TCF7L2: variants seen among roughly 807,000 people sequenced by gnomAD.
TCF7L2 encodes the protein transcription factor 7 like 2, also known as transcription factor 7-like 2.
In TCF7L2, 23 loss-of-function variants were observed where a neutral mutation model predicts 77.9. That is an observed-to-expected ratio of 0.30 (90% CI 0.21 to 0.42). The LOEUF (loss-of-function observed/expected upper bound fraction) is 0.42. TCF7L2 is among the 10% of genes least tolerant of loss of function. The pLI, the probability that TCF7L2 is intolerant of heterozygous loss-of-function variation, is 1.00. For missense variants in TCF7L2, 654 were observed against 793.1 expected, an observed-to-expected ratio of 0.82 and a Z score of 2.11; for synonymous variants, 413 against 340.2, an observed-to-expected ratio of 1.21 and a Z score of -2.36.
chr10:113,078,586 T>C (rs2058977929), intron 5 of TCF7L2, among the ~76,000 whole-genome samples: 1 of 152,108 alleles, frequency 6.6e-6, no homozygotes, highest in East Asian at 1.9e-4. Context: ...CACTATAGGC[T>C]GGTCTTGAAT....
chr10:113,052,050 G>C (rs560704378), intron 5 of TCF7L2, among the ~76,000 whole-genome samples: 7 of 152,302 alleles, frequency 4.6e-5, no homozygotes, highest in African/African-American at 1.4e-4. Context: ...TTGGTGGCAA[G>C]CTGAGCATAC....
At chr10:113,034,940 C>T (rs550150282) in intron 4 of TCF7L2, among the ~76,000 whole-genome samples, 123 of 152,066 alleles carry the variant, frequency 8.1e-4, no homozygotes, top group Non-Finnish European at 1.3e-3. Context: ...TTTTTTCTTT[C>T]CTTTTCCTTC....
intron 4 of TCF7L2, among the ~76,000 whole-genome samples, chr10:113,035,743 A>G (rs1269294434): frequency 2.0e-5 from 3 of 152,186 alleles, no homozygotes; most frequent in Non-Finnish European, 2.9e-5. Flanking sequence ...GAGGAATAAT[A>G]TTTTCTGACA....
At chr10:113,132,980 C>T (rs1200944143) in intron 5 of TCF7L2, 1 of 152,190 alleles carries the variant, frequency 6.6e-6, no homozygotes, top group African/African-American at 2.4e-5. Flanking sequence ...ACCCTGGAAA[C>T]TCGCTGATCA....
intron 4 of TCF7L2, among the ~76,000 whole-genome samples, chr10:112,966,916 A>G (rs2037061450): frequency 6.6e-6 from 1 of 152,228 alleles, no homozygotes; most frequent in African/African-American, 2.4e-5. Context: ...GGGCAAACAG[A>G]GAGACATTTT....
At chr10:112,984,082 A>T (rs1309420518) in intron 4 of TCF7L2, among the ~76,000 whole-genome samples, 4 of 152,232 alleles carry the variant, frequency 2.6e-5, no homozygotes, top group African/African-American at 9.6e-5. Flanking sequence ...GAATTAAAAC[A>T]CAGTGCTTTG....
At chr10:113,050,866 A>G (rs1736782263) in intron 5 of TCF7L2, among the ~76,000 whole-genome samples, 1 of 152,144 alleles carries the variant, frequency 6.6e-6, no homozygotes. Context: ...GTTGGCCATT[A>G]TTATGCTTTT....
intron 4 of TCF7L2, among the ~76,000 whole-genome samples, chr10:113,012,899 G>A (rs150663433): frequency 5.3e-5 from 8 of 152,128 alleles, no homozygotes; most frequent in South Asian, 4.1e-4. Context: ...TGACTGAGGC[G>A]CCCCACACAT....
In TCF7L2 at chr10:113,147,352, A is replaced by G. The variant is rs183878040; in HGVS notation, c.875+1255A>G. On this transcript the variant is annotated intron_variant, in intron 8 of 13. Coordinates refer to ENST00000627217, the MANE Select transcript of TCF7L2 (RefSeq NM_001146274.2). ...CTGCTTTTCCTACTTACAAAACAGT[A>G]ACTTTAGCAGTGATAGAGAGTTACA... Among the ~76,000 whole-genome samples the G allele has an allele frequency of 2.4e-4, 36 of 152,366 alleles. 1 individual carries two copies. Among genetic ancestry groups the G allele is most frequent in the Admixed American group, 4.6e-4 (7 of 15,312 alleles).
rs1316471033 is a variant in TCF7L2 at position 113,102,515 on chromosome 10, C to A, written c.553-38669C>A. ...TCTCTGCTCACTGCAACCTCCACCT[C>A]CTGGGTTCAAGTGATTCTCCTGCCT... On this transcript the variant is annotated intron_variant, in intron 5 of 13. Coordinates refer to ENST00000627217, the MANE Select transcript of TCF7L2 (RefSeq NM_001146274.2). Among the ~76,000 whole-genome samples the A allele has an allele frequency of 2.0e-5, 3 of 151,426 alleles. 1 individual carries two copies. Among genetic ancestry groups the A allele is most frequent in the Admixed American group, 1.3e-4 (2 of 15,212 alleles).
chr10:113,089,777 C>G (rs911683124), intron 5 of TCF7L2, among the ~76,000 whole-genome samples: 1 of 152,166 alleles, frequency 6.6e-6, no homozygotes, highest in Admixed American at 6.5e-5. Flanking sequence ...CGCATGACTC[C>G]AGGATGCCTG....
intron 5 of TCF7L2, among the ~76,000 whole-genome samples, chr10:113,107,967 CTGAA>C (rs1367245567): frequency 1.3e-5 from 2 of 151,922 alleles, no homozygotes; most frequent in African/African-American, 4.8e-5. Flanking sequence ...CTAGTAAAAA[CTGAA>C]TGTAAGGAAA....
intron 8 of TCF7L2, among the ~76,000 whole-genome samples, chr10:113,150,196 A>T (rs2070436827): frequency 6.6e-6 from 1 of 152,194 alleles, no homozygotes. Context: ...CATTTAGAAG[A>T]CTTCTTAATG....
intron 4 of TCF7L2, among the ~76,000 whole-genome samples, chr10:112,973,526 T>C (rs2038738570): frequency 6.6e-6 from 1 of 152,290 alleles, no homozygotes; most frequent in Non-Finnish European, 1.5e-5. Flanking sequence ...CACTGGATGA[T>C]TCTAATGCAC....
chr10:113,103,391 G>A lies in TCF7L2; in HGVS notation c.553-37793G>A, dbSNP rs554780596. On this transcript the variant is annotated intron_variant, in intron 5 of 13. Coordinates refer to ENST00000627217, the MANE Select transcript of TCF7L2 (RefSeq NM_001146274.2). The stretch of plus-strand genomic sequence containing the variant: ...TGTTTTGTTTTGTTTTGTGTGTGTG[G>A]TTTTGTTTTTTAAATAATTAGAAAC... Among the ~76,000 whole-genome samples the A allele has an allele frequency of 3.3e-3, 500 of 152,144 alleles. 1 individual carries two copies. The highest frequency in any genetic ancestry group is 5.7e-3 in the Non-Finnish European group (387 of 67,996).
intron 5 of TCF7L2, among the ~76,000 whole-genome samples, chr10:113,085,009 G>A (rs557592037): frequency 6.6e-6 from 1 of 151,918 alleles, no homozygotes; most frequent in African/African-American, 2.4e-5. Context: ...CTTCTTGCCT[G>A]TGAGGTTGGT....
Position 112,950,866 on chromosome 10 carries a change from C to A in TCF7L2, c.110C>A (p.Ala37Glu), listed in dbSNP as rs2134177979. The stretch of plus-strand genomic sequence containing the variant: ...GAGAAGAGCTCCGAAAACTCCTCGG[C>A]AGAGAGGGATTTAGCTGATGTCAAA... Residue 37 changes from alanine (A) to glutamate (E), a missense_variant, in exon 1 of 14, where the codon GCA (alanine) becomes GAA (glutamate). By Grantham distance (107) the Ala-to-Glu change is moderately radical (BLOSUM62 -1). This residue lies in a region of TCF7L2 where 37 missense variants were observed against 48.1 expected (regional missense o/e 0.77). Transcript: ENST00000627217. The A allele has an allele frequency of 6.2e-7, 1 of 1,611,470 alleles. No individual in the cohort carries two copies.
At chr10:113,032,134 A>G (rs755663722) in intron 4 of TCF7L2, among the ~76,000 whole-genome samples, 1 of 152,176 alleles carries the variant, frequency 6.6e-6, no homozygotes, top group Non-Finnish European at 1.5e-5. Context: ...TCGTAATTTG[A>G]AGAGCGACTT....
chr10:113,159,878 A>G (rs754631118), intron 12 of TCF7L2, 42 bp from the exon 14 acceptor site: 1 of 948,978 alleles, frequency 1.1e-6, no homozygotes, highest in Non-Finnish European at 1.5e-6. Context: ...CCTTTCTCCC[A>G]CGTTCTCCTC....
Sources: gnomAD v4.1 joint callset for allele counts (sites outside exome capture counted in the v4.1 genomes callset) on GRCh38, gnomAD v4.1.1 for gene constraint, gnomAD v4.1.1 regional missense constraint, MANE v1.5 for transcripts, NCBI Gene and HGNC (gene_info 2026-07-23, HGNC 2026-07-21) for gene names.